GUCY1A1: variants seen among roughly 807,000 people sequenced by gnomAD.
GUCY1A1 encodes the protein guanylate cyclase soluble subunit alpha-1.
A neutral mutation model predicts 64.5 loss-of-function variants in GUCY1A1; 48 were observed. That is an observed-to-expected ratio of 0.74 (90% CI 0.59 to 0.95). The LOEUF (loss-of-function observed/expected upper bound fraction) is 0.95. GUCY1A1 is among the 40% of genes least tolerant of loss of function. The pLI, the probability that GUCY1A1 is intolerant of heterozygous loss-of-function variation, is 0.00. For synonymous variants in GUCY1A1, 308 were observed against 303.4 expected, an observed-to-expected ratio of 1.02 and a Z score of -0.16; for missense variants, 804 against 825.3, an observed-to-expected ratio of 0.97 and a Z score of 0.32.
intron 8 of GUCY1A1, among the ~76,000 whole-genome samples, chr4:155,719,841 C>A (rs910427422): frequency 9.2e-5 from 14 of 152,128 alleles, no homozygotes; most frequent in African/African-American, 3.1e-4. Flanking sequence ...GGCTATGCCA[C>A]AAGTGGTCTC....
intron 3 of GUCY1A1, among the ~76,000 whole-genome samples, chr4:155,699,846 T>C (rs1730857386): frequency 1.3e-5 from 2 of 152,174 alleles, no homozygotes; most frequent in South Asian, 4.1e-4. Flanking sequence ...CCTGGTTATA[T>C]TTTTATTAGT....
Position 155,713,465 on chromosome 4 carries a change from C to T in GUCY1A1, c.1454C>T (p.Ser485Leu). The change falls in exon 7 of 10, where the codon TCA becomes TTA. Residue 485 changes from serine (S) to leucine (L), a missense_variant. Coordinates refer to ENST00000506455, the MANE Select transcript of GUCY1A1 (RefSeq NM_001130682.3). ...KKFSNVTMLFSDIVGFTAICS... is the reference protein window; with the variant it reads ...KKFSNVTMLFLDIVGFTAICS... Reference sequence around the variant, plus strand: ...TTCAGTAATGTCACCATGCTCTTCTCAGACATCGTTGGGTTCACTGCCATC... The same window carrying T: ...TTCAGTAATGTCACCATGCTCTTCTTAGACATCGTTGGGTTCACTGCCATC... The T allele has an allele frequency of 6.2e-7, 1 of 1,614,174 alleles. No homozygotes were observed. Among genetic ancestry groups the T allele is most frequent in the Non-Finnish European group, 8.5e-7 (1 of 1,180,020 alleles).
At chr4:155,691,340 G>A (rs1729707458) in intron 2 of GUCY1A1, among the ~76,000 whole-genome samples, 1 of 152,122 alleles carries the variant, frequency 6.6e-6, no homozygotes, top group South Asian at 2.1e-4. Context: ...ACTTTGTCCT[G>A]CTTTCCTGAT....
In GUCY1A1 at chr4:155,712,064, G is replaced by A. The variant is rs1231826931; in HGVS notation, c.1086+813G>A. 2.0e-5 allele frequency among the ~76,000 whole-genome samples: 3 copies of A among 152,140 alleles called. No homozygotes were observed. In the East Asian group the frequency reaches 5.8e-4, roughly 29 times the overall value. ...CAGTGTATTTTGTGCATCCTCCCAT[G>A]TCATTAGATATAGGTCTATTTGGCT... On this transcript the variant is annotated intron_variant, in intron 6 of 9. Coordinates refer to ENST00000506455, the MANE Select transcript of GUCY1A1 (RefSeq NM_001130682.3).
At chr4:155,722,412 C>T in intron 9 of GUCY1A1, 3 of 1,371,464 alleles carry the variant, frequency 2.2e-6, no homozygotes, top group Admixed American at 6.5e-5. Flanking sequence ...AGCCATAAAT[C>T]CATGACAGAT....
intron 2 of GUCY1A1, among the ~76,000 whole-genome samples, chr4:155,677,497 G>A (rs978015017): frequency 7.9e-5 from 12 of 152,234 alleles, no homozygotes; most frequent in East Asian, 1.9e-4. Flanking sequence ...TAGTGCAGCC[G>A]TGGATTGAAA....
At chr4:155,670,540 T>A (rs1012970079) in intron 2 of GUCY1A1, among the ~76,000 whole-genome samples, 5 of 152,218 alleles carry the variant, frequency 3.3e-5, no homozygotes, top group Non-Finnish European at 4.4e-5. Context: ...TTCATCTTCC[T>A]ATAGCCTCGA....
chr4:155,684,672 G>T (rs772388104), intron 2 of GUCY1A1, among the ~76,000 whole-genome samples: 2 of 152,098 alleles, frequency 1.3e-5, no homozygotes, highest in Non-Finnish European at 1.5e-5. Context: ...TCTGAGAAAC[G>T]TACTTTGCCA....
rs750963244 is a variant in GUCY1A1 at position 155,703,945 on chromosome 4, A to C, written c.269A>C (p.Asn90Thr). The C allele has an allele frequency of 1.4e-5, 23 of 1,605,654 alleles. No individual in the cohort carries two copies. Among genetic ancestry groups the C allele is most frequent in the Non-Finnish European group, 1.9e-5 (22 of 1,174,938 alleles). Residue 90 changes from asparagine (N) to threonine (T), a missense_variant, in exon 4 of 10, where the codon AAT becomes ACT. Physicochemically the swap from Asn to Thr is moderately conservative, Grantham distance 65. Coordinates refer to ENST00000506455, the MANE Select transcript of GUCY1A1 (RefSeq NM_001130682.3). ...TTGAACTTTCAGTTTGAACGGCTGAATGTTGCACTTCAGAGAACATTGGCA... is the reference window on the plus strand; with the variant it reads ...TTGAACTTTCAGTTTGAACGGCTGACTGTTGCACTTCAGAGAACATTGGCA... Reference protein sequence around the residue: ...KLIFPEFERLNVALQRTLAKH... With the variant: ...KLIFPEFERLTVALQRTLAKH...
intron 5 of GUCY1A1, 59 bp from the exon 6 acceptor site, chr4:155,710,483 G>T: frequency 1.0e-6 from 1 of 985,876 alleles, no homozygotes; most frequent in Non-Finnish European, 1.5e-6. Flanking sequence ...AGGAATAATG[G>T]CACAGCTTTA....
intron 3 of GUCY1A1, among the ~76,000 whole-genome samples, chr4:155,703,259 T>C (rs1364495121): frequency 6.6e-6 from 1 of 152,142 alleles, no homozygotes; most frequent in African/African-American, 2.4e-5. Flanking sequence ...AAGTATTTGA[T>C]GAGGATTATT....
intron 2 of GUCY1A1, among the ~76,000 whole-genome samples, chr4:155,680,741 A>T (rs1404492716): frequency 2.6e-5 from 4 of 152,176 alleles, no homozygotes; most frequent in African/African-American, 7.2e-5. Context: ...TTTACCATTT[A>T]TTAAGTGCAA....
chr4:155,718,957 A>T (rs1353022654), intron 8 of GUCY1A1, among the ~76,000 whole-genome samples: 1 of 152,068 alleles, frequency 6.6e-6, no homozygotes, highest in Non-Finnish European at 1.5e-5. Flanking sequence ...TTAGAGGAGG[A>T]CTATATATTT....
intron 2 of GUCY1A1, among the ~76,000 whole-genome samples, chr4:155,682,315 C>G (rs1369240804): frequency 1.3e-5 from 2 of 152,176 alleles, no homozygotes; most frequent in Non-Finnish European, 2.9e-5. Context: ...AGTTTTAACT[C>G]TCTATCTTTA....
chr4:155,686,350 G>T (rs964380246), intron 2 of GUCY1A1, among the ~76,000 whole-genome samples: 1 of 152,070 alleles, frequency 6.6e-6, no homozygotes, highest in Non-Finnish European at 1.5e-5. Flanking sequence ...GCGTGGTGGC[G>T]TGCGCCTGTT....
chr4:155,668,325 A>C (rs1340189569), intron 2 of GUCY1A1: 1 of 152,260 alleles, frequency 6.6e-6, no homozygotes, highest in Non-Finnish European at 1.5e-5. Flanking sequence ...GTAAGCCAGA[A>C]GATTGTATGG....
intron 2 of GUCY1A1, among the ~76,000 whole-genome samples, chr4:155,693,950 A>G (rs1299969358): frequency 6.6e-6 from 1 of 152,170 alleles, no homozygotes; most frequent in Non-Finnish European, 1.5e-5. Flanking sequence ...ATTATGGCAA[A>G]CTTCTAAGTC....
In GUCY1A1 at chr4:155,733,597, A is replaced by C. The variant is rs1044498304; in HGVS notation, c.*3366A>C. Among the ~76,000 whole-genome samples, 2 of 151,686 alleles carry C rather than the reference A, an allele frequency of 1.3e-5. No individual in the cohort carries two copies. Among genetic ancestry groups the C allele is most frequent in the Non-Finnish European group, 2.9e-5 (2 of 67,852 alleles). On this transcript the variant is annotated 3_prime_UTR_variant, in exon 10 of 10. Transcript: ENST00000506455. ...TAGTTATCAACATTACCATAATAGT[A>C]ATATTAATAACTACAATAAGAGCCA...
chr4:155,722,398 G>T, intron 9 of GUCY1A1: 2 of 1,383,546 alleles, frequency 1.4e-6, no homozygotes, highest in South Asian at 3.4e-5. Context: ...GGTGTTTGTG[G>T]CCCAGCCATA....
Sources: gnomAD v4.1 joint callset for allele counts (sites outside exome capture counted in the v4.1 genomes callset) on GRCh38, gnomAD v4.1.1 for gene constraint, MANE v1.5 for transcripts, NCBI Gene and HGNC (gene_info 2026-07-23, HGNC 2026-07-21) for gene names.